PLCZ1: variants seen among roughly 807,000 people sequenced by gnomAD.
PLCZ1 encodes the protein 1-phosphatidylinositol 4,5-bisphosphate phosphodiesterase zeta-1.
Under a neutral mutation model 76.8 loss-of-function variants are expected in PLCZ1, and 64 were observed. The ratio of observed to expected loss-of-function variants is 0.83; its 90% CI spans 0.68 to 1.03. The LOEUF (loss-of-function observed/expected upper bound fraction) is 1.03. PLCZ1 is among the 50% of genes least tolerant of loss of function. The pLI is 0.00. For synonymous variants in PLCZ1, 248 were observed against 230.8 expected, an observed-to-expected ratio of 1.07 and a Z score of -0.68; for missense variants, 751 against 713.7, an observed-to-expected ratio of 1.05 and a Z score of -0.60.
chr12:18,693,959 A>T, intron 12 of PLCZ1: 1 of 1,515,584 alleles, frequency 6.6e-7, no homozygotes, highest in Non-Finnish European at 9.2e-7. Context: ...TGGTGCTGAC[A>T]TCAAGGCAGT....
At chr12:18,693,647 G>T in intron 12 of PLCZ1, 1 of 1,563,672 alleles carries the variant, frequency 6.4e-7, no homozygotes, top group Non-Finnish European at 8.8e-7. Flanking sequence ...TGACGCCATT[G>T]GGACAAAAAG....
chr12:18,648,871 A>AT, the PLCZ1 span, among the ~76,000 whole-genome samples: 1 of 152,092 alleles, frequency 6.6e-6, no homozygotes, highest in African/African-American at 2.4e-5. Flanking sequence ...AATCAAAAAA[A>AT]TTTTTTAATC....
intron 6 of PLCZ1, among the ~76,000 whole-genome samples, chr12:18,710,347 G>T (rs1957151812): frequency 6.6e-6 from 1 of 151,438 alleles, no homozygotes; most frequent in Admixed American, 6.6e-5. Context: ...TATAAAGGGG[G>T]AATAGCAAGT....
At chr12:18,714,556 G>C (rs1163006346) in intron 5 of PLCZ1, 1 of 152,082 alleles carries the variant, frequency 6.6e-6, no homozygotes, top group African/African-American at 2.4e-5. Flanking sequence ...GAAACACCGG[G>C]ATCTTAGAAT....
intron 3 of PLCZ1, among the ~76,000 whole-genome samples, chr12:18,727,076 T>C (rs1424648149): frequency 6.6e-6 from 1 of 152,064 alleles, no homozygotes; most frequent in African/African-American, 2.4e-5. Flanking sequence ...CTGAGCACAA[T>C]GGCTCATGCC....
intron 13 of PLCZ1, chr12:18,685,413 G>T (rs1005626326): frequency 5.4e-6 from 1 of 185,928 alleles, no homozygotes. Context: ...GTTTGGAGAA[G>T]AATCATGTGT....
chr12:18,650,306 TC>T, the PLCZ1 span, among the ~76,000 whole-genome samples: 36 of 74,928 alleles, frequency 4.8e-4, no homozygotes, highest in African/African-American at 2.8e-3. Context: ...TCTCTCTCTC[TC>T]TCTCTCTCTC....
downstream of PLCZ1, among the ~76,000 whole-genome samples, chr12:18,679,281 A>G (rs1478327937): frequency 6.6e-6 from 1 of 151,966 alleles, no homozygotes; most frequent in African/African-American, 2.4e-5. Flanking sequence ...AAAAGGCAGA[A>G]GTTCTTTTTA....
At chr12:18,673,050 C>T in the PLCZ1 span, among the ~76,000 whole-genome samples, 2 of 151,942 alleles carry the variant, frequency 1.3e-5, no homozygotes, top group Non-Finnish European at 2.9e-5. Context: ...CAAAGTGGTA[C>T]ATAGAAGAGA....
At chr12:18,732,640 G>C (rs1959119945) in intron 3 of PLCZ1, among the ~76,000 whole-genome samples, 1 of 151,964 alleles carries the variant, frequency 6.6e-6, no homozygotes, top group African/African-American at 2.4e-5. Flanking sequence ...CCCTCCCCCA[G>C]CCCTGGTAAC....
At chr12:18,650,689 T>TGC in the PLCZ1 span, among the ~76,000 whole-genome samples, 1 of 46,292 alleles carries the variant, frequency 2.2e-5, no homozygotes, top group Non-Finnish European at 3.5e-5. Context: ...TGTGTGTGTG[T>TGC]GTGTGTGTGT....
intron 10 of PLCZ1, 82 bp from the exon 11 acceptor site, chr12:18,696,348 A>ATATATATATATC (rs10523511): frequency 3.7e-5 from 8 of 214,312 alleles, no homozygotes; most frequent in East Asian, 1.4e-4. Flanking sequence ...ATATATATAT[A>ATATATATATATC]TATCATATAA....
chr12:18,684,119 A>C lies in PLCZ1; in HGVS notation c.1741+11T>G, dbSNP rs1952736209. ...ATGCTGGTACAATCATCTAACTTTT[A>C]GGGACATTACCTTTGTTCATGCATA... is the stretch of plus-strand genomic sequence containing the variant. On this transcript the variant is annotated intron_variant, in intron 14 of 14. Transcript: ENST00000266505. 4 of 1,610,734 alleles carry C rather than the reference A, an allele frequency of 2.5e-6. No homozygotes were observed. Among genetic ancestry groups the C allele is most frequent in the African/African-American group, 1.3e-5 (1 of 74,896 alleles).
chr12:18,726,149 G>C (rs1958736809), intron 3 of PLCZ1, among the ~76,000 whole-genome samples: 1 of 151,964 alleles, frequency 6.6e-6, no homozygotes, highest in Non-Finnish European at 1.5e-5. Context: ...TTACATAAAG[G>C]AATTAAGTAT....
At chr12:18,685,583 T>C (rs1198587687) in intron 13 of PLCZ1, 1 of 506,110 alleles carries the variant, frequency 2.0e-6, no homozygotes, top group Non-Finnish European at 4.0e-6. Flanking sequence ...CACATAGCAA[T>C]CTAGGGTGCA....
At chr12:18,682,617 A>C (rs1431001961), downstream of PLCZ1, among the ~76,000 whole-genome samples, 1 of 152,070 alleles carries the variant, frequency 6.6e-6, no homozygotes, top group African/African-American at 2.4e-5. Flanking sequence ...AGATCCAAGC[A>C]TGTAAGTCCA....
At chr12:18,728,302 A>C (rs1350940137) in intron 3 of PLCZ1, among the ~76,000 whole-genome samples, 2 of 152,200 alleles carry the variant, frequency 1.3e-5, no homozygotes, top group African/African-American at 4.8e-5. Flanking sequence ...CTTATGTATA[A>C]AAAGAAGCTA....
At chr12:18,656,729 T>C in the PLCZ1 span, among the ~76,000 whole-genome samples, 1 of 134,756 alleles carries the variant, frequency 7.4e-6, no homozygotes, top group Admixed American at 7.9e-5. Context: ...AGCATGACCC[T>C]GTCTCAAACA....
At chr12:18,733,358 AG>A (rs1959156442) in intron 3 of PLCZ1, among the ~76,000 whole-genome samples, 1 of 152,166 alleles carries the variant, frequency 6.6e-6, no homozygotes, top group Non-Finnish European at 1.5e-5. Context: ...ATCCCTTATC[AG>A]ATATGTGGCT....
Sources: gnomAD v4.1 joint callset for allele counts (sites outside exome capture counted in the v4.1 genomes callset) on GRCh38, gnomAD v4.1.1 for gene constraint, MANE v1.5 for transcripts, NCBI Gene and HGNC (gene_info 2026-07-23, HGNC 2026-07-21) for gene names.